Variants in ZNF383 observed in about 807,000 individuals in gnomAD.
ZNF383 encodes zinc finger protein 383.
A neutral mutation model predicts 44.2 loss-of-function variants in ZNF383; 32 were observed. The ratio of observed to expected loss-of-function variants is 0.72; its 90% CI spans 0.55 to 0.97. The LOEUF (loss-of-function observed/expected upper bound fraction) is 0.97, where lower values mean the gene tolerates loss of function less well. Ranked by LOEUF, ZNF383 falls within the 50% of genes least tolerant of loss-of-function variation. ZNF383 has a pLI of 0.00. For missense variants in ZNF383, 487 were observed against 562.5 expected, an observed-to-expected ratio of 0.87 and a Z score of 1.36; for synonymous variants, 155 against 186.2, an observed-to-expected ratio of 0.83 and a Z score of 1.36.
intron 1 of ZNF383, among the ~76,000 whole-genome samples, chr19:37,221,674 C>T (rs1191308216): frequency 3.3e-5 from 5 of 151,104 alleles, no homozygotes; most frequent in East Asian, 1.9e-4. Flanking sequence ...CCGGGCTGGG[C>T]GCGGTGGCTC....
chr19:37,220,255 G>A (rs1369642572), intron 1 of ZNF383, among the ~76,000 whole-genome samples: 6 of 151,944 alleles, frequency 3.9e-5, no homozygotes, highest in Non-Finnish European at 8.8e-5. Flanking sequence ...TTGAGACGGA[G>A]TCTCGCTCTG....
chr19:37,225,971 T>G (rs1973147013), intron 2 of ZNF383, among the ~76,000 whole-genome samples: 1 of 151,136 alleles, frequency 6.6e-6, no homozygotes, highest in African/African-American at 2.4e-5. Context: ...TTTTTTTTTT[T>G]TTGTATTTTA....
chr19:37,238,730 C>T (rs960737365), intron 5 of ZNF383, among the ~76,000 whole-genome samples: 16 of 152,020 alleles, frequency 1.1e-4, no homozygotes, highest in Non-Finnish European at 2.2e-4. Flanking sequence ...GTTGGATGTA[C>T]CTGTAGATGA....
chr19:37,238,421 A>G (rs186565401), intron 5 of ZNF383, among the ~76,000 whole-genome samples: 3 of 151,818 alleles, frequency 2.0e-5, no homozygotes, highest in Admixed American at 1.3e-4. Context: ...CCATGTGTAT[A>G]TGAAATGTCA....
intron 2 of ZNF383, chr19:37,225,237 G>C (rs1246553875): frequency 6.6e-6 from 1 of 152,360 alleles, no homozygotes; most frequent in Admixed American, 6.5e-5. Flanking sequence ...TGGGAATACA[G>C]GCATGTGCCA....
In ZNF383 at chr19:37,227,110, C is replaced by CTTTTTTTT. The variant is rs35250551; in HGVS notation, c.-46+2185_-46+2192dup. 6.5e-5 allele frequency among the ~76,000 whole-genome samples: 6 copies of CTTTTTTTT among 92,042 alleles called. 1 individual carries two copies. The highest frequency in any genetic ancestry group is 4.0e-4 in the South Asian group (1 of 2,528). 60.4% of individuals were successfully genotyped at this position (92,042 alleles called of 152,430 possible). A position where few individuals can be genotyped will look rare whatever the true frequency, so the allele number is the denominator to read the frequency against. On this transcript the variant is annotated intron_variant, in intron 2 of 5. Transcript: ENST00000684119. Reference sequence around the variant, plus strand: ...GCATGAGCCACTGCACCCAGCCAGGCTTTTTTTTTTTTTTTTTTTTTGAGA... The same window carrying CTTTTTTTT: ...GCATGAGCCACTGCACCCAGCCAGGCTTTTTTTTTTTTTTTTTTTTTTTTTTTTTGAGA...
At chr19:37,236,186 A>G in intron 5 of ZNF383, 112 bp downstream of exon 5, 1 of 694,472 alleles carries the variant, frequency 1.4e-6, no homozygotes. Context: ...TCAAGAAACT[A>G]GGCCAGTGGA....
chr19:37,231,746 TC>T (rs1973496370), intron 3 of ZNF383, among the ~76,000 whole-genome samples: 1 of 152,168 alleles, frequency 6.6e-6, no homozygotes, highest in African/African-American at 2.4e-5. Flanking sequence ...TAAATAGTCT[TC>T]CTGCATAGGA....
At chr19:37,232,229 C>T (rs1973527654) in intron 3 of ZNF383, among the ~76,000 whole-genome samples, 1 of 152,036 alleles carries the variant, frequency 6.6e-6, no homozygotes, top group Non-Finnish European at 1.5e-5. Flanking sequence ...CCCCTGCCAC[C>T]ACGCCTGGCT....
Position 37,248,656 on chromosome 19 carries a change from C to T in ZNF383, c.*4992C>T, listed in dbSNP as rs1392027112. The stretch of plus-strand genomic sequence containing the variant: ...TCAATGAAAATATATGCTCTAACCT[C>T]AACATCTTCTAGATGAACCCTTTTT... On this transcript the variant is annotated 3_prime_UTR_variant, in exon 6 of 6. Coordinates refer to ENST00000684119, the MANE Select transcript of ZNF383 (RefSeq NM_001387601.1). The T allele has an allele frequency of 6.6e-6, 1 of 152,198 alleles. No individual in the cohort carries two copies. Among genetic ancestry groups the T allele is most frequent in the African/African-American group, 2.4e-5 (1 of 41,442 alleles). 9.4% of individuals were successfully genotyped at this position (152,198 alleles called of 1,614,324 possible).
chr19:37,236,455 A>G (rs1973798539), intron 5 of ZNF383, among the ~76,000 whole-genome samples: 2 of 151,570 alleles, frequency 1.3e-5, no homozygotes, highest in Non-Finnish European at 2.9e-5. Context: ...TGACATGATC[A>G]TAACTTATTG....
Position 37,242,525 on chromosome 19 carries a change from A to G in ZNF383, c.289A>G (p.Ile97Val). Residue 97 changes from isoleucine to valine, a missense_variant, in exon 6 of 6, where the codon ATA (isoleucine) becomes GTA (valine). Ile to Val is a conservative substitution (Grantham distance 29). Coordinates refer to ENST00000684119, the MANE Select transcript of ZNF383 (RefSeq NM_001387601.1). ...ATCTCTAAAGAAGGAAGTTTATGAA[A>G]TAGAATTATGCCAGAGGGAGATAAT... ...LLSLKKEVYE[I>V]ELCQREIMGL... The G allele has an allele frequency of 6.2e-7, 1 of 1,612,982 alleles. No homozygotes were observed. Among genetic ancestry groups the G allele is most frequent in the Non-Finnish European group, 8.5e-7 (1 of 1,179,476 alleles).
rs1973341131 is a variant in ZNF383 at position 37,229,340 on chromosome 19, T to TA, written c.-45-1068dup. On this transcript the variant is annotated intron_variant, in intron 2 of 5. Coordinates refer to ENST00000684119, the MANE Select transcript of ZNF383 (RefSeq NM_001387601.1). Reference sequence around the variant, plus strand: ...TGGCTAATTTTGTATTTTTTTTTTTTAGTAGAGACGGTTTCTCCATGTTGA... The same window carrying TA: ...TGGCTAATTTTGTATTTTTTTTTTTTAAGTAGAGACGGTTTCTCCATGTTGA... Among the ~76,000 whole-genome samples, 5 of 150,366 alleles carry TA rather than the reference T, an allele frequency of 3.3e-5. No homozygotes were observed. In the South Asian group the frequency reaches 1.1e-3, roughly 32 times the overall value.
In ZNF383 at chr19:37,243,731, C is replaced by A; in HGVS notation, c.*67C>A. On this transcript the variant is annotated 3_prime_UTR_variant, in exon 6 of 6. Transcript: ENST00000684119. ...AAAAATCATGTCTAATAGTTACCCT[C>A]TTCCGTAGTTTTTTTTAAAACTTTG... 2.8e-6 allele frequency: 3 copies of A among 1,085,764 alleles called. No individual in the cohort carries two copies. The highest frequency in any genetic ancestry group is 3.8e-6 in the Non-Finnish European group (3 of 780,186). 67.3% of individuals were successfully genotyped at this position (1,085,764 alleles called of 1,614,324 possible).
chr19:37,235,238 A>G (rs1286740647), intron 3 of ZNF383, among the ~76,000 whole-genome samples: 1 of 151,370 alleles, frequency 6.6e-6, no homozygotes, highest in East Asian at 2.0e-4. Context: ...ATGCCACTGC[A>G]CTCTAGTCTG....
rs1974218942 is a variant in ZNF383, at chr19:37,243,147, A to G, written c.911A>G (p.His304Arg). 6.2e-7 allele frequency: 1 copy of G among 1,614,228 alleles called. No homozygotes were observed. Among genetic ancestry groups the G allele is most frequent in the East Asian group, 2.2e-5 (1 of 44,880 alleles). ...SSQLFQHARI[H>R]TGEKPYECKE... ...CAACTTTTTCAGCATGCACGAATTCATACAGGTGAGAAACCCTATGAATGT... is the reference window on the plus strand; with the variant it reads ...CAACTTTTTCAGCATGCACGAATTCGTACAGGTGAGAAACCCTATGAATGT... Residue 304 changes from histidine (H) to arginine (R), a missense_variant, in exon 6 of 6, where the codon CAT becomes CGT. Transcript: ENST00000684119.
At chr19:37,222,593 G>C (rs1191182338) in intron 1 of ZNF383, among the ~76,000 whole-genome samples, 3 of 152,098 alleles carry the variant, frequency 2.0e-5, no homozygotes, top group Non-Finnish European at 4.4e-5. Flanking sequence ...AGCCAGGCTG[G>C]TCTCAAACTC....
At chr19:37,232,869 G>A (rs1022531317) in intron 3 of ZNF383, among the ~76,000 whole-genome samples, 3 of 152,110 alleles carry the variant, frequency 2.0e-5, no homozygotes, top group Non-Finnish European at 2.9e-5. Flanking sequence ...TGATCAGTCC[G>A]TTGCAGTTGT....
At chr19:37,222,862 G>C (rs892821300) in intron 1 of ZNF383, among the ~76,000 whole-genome samples, 4 of 152,110 alleles carry the variant, frequency 2.6e-5, no homozygotes, top group African/African-American at 9.7e-5. Flanking sequence ...TATATGTTCA[G>C]CTCTAATAGA....
Sources: allele counts gnomAD v4.1 joint callset (sites outside exome capture counted in the v4.1 genomes callset), GRCh38; gene constraint gnomAD v4.1.1; transcripts MANE v1.5; gene names NCBI Gene and HGNC (gene_info 2026-07-23, HGNC 2026-07-21).